The following TRABD2B variants were observed in gnomAD, a reference collection of about 807,000 sequenced individuals.
TRABD2B encodes the protein TraB domain containing 2B, also known as metalloprotease TIKI2.
TRABD2B carries 14 observed loss-of-function variants against 40.1 expected under a neutral mutation model. The ratio of observed to expected loss-of-function variants is 0.35; its 90% CI spans 0.23 to 0.55. The LOEUF (loss-of-function observed/expected upper bound fraction) is 0.55. TRABD2B is among the 20% of genes least tolerant of loss of function. The pLI, the probability that TRABD2B is intolerant of heterozygous loss-of-function variation, is 0.90. For synonymous variants in TRABD2B, 263 were observed against 277.0 expected (o/e 0.95, Z 0.50); for missense variants, 541 against 648.6 (o/e 0.83, Z 1.80).
intron 2 of TRABD2B, among the ~76,000 whole-genome samples, chr1:47,853,307 CCAAGGGGCAAGAT>C (rs1194394437): frequency 5.3e-5 from 8 of 152,170 alleles, no homozygotes; most frequent in African/African-American, 1.4e-4. Context: ...CCCGAATTAG[CCAAGGGGCAAGAT>C]CAATATTTGC....
intron 6 of TRABD2B, among the ~76,000 whole-genome samples, chr1:47,767,225 G>A (rs1256532587): frequency 6.6e-6 from 1 of 152,146 alleles, no homozygotes; most frequent in Non-Finnish European, 1.5e-5. Context: ...GCCTATCCTC[G>A]AGGAACCCTG....
At chr1:47,792,476 A>G (rs1044418469) in intron 4 of TRABD2B, among the ~76,000 whole-genome samples, 5 of 152,016 alleles carry the variant, frequency 3.3e-5, no homozygotes, top group African/African-American at 1.2e-4. Context: ...GTGGGCATGG[A>G]CAGAATGGAT....
intron 2 of TRABD2B, among the ~76,000 whole-genome samples, chr1:47,856,843 C>T (rs982197134): frequency 3.3e-5 from 5 of 152,198 alleles, no homozygotes; most frequent in African/African-American, 9.7e-5. Flanking sequence ...GGCCTGGGCC[C>T]CGCAGGCAGA....
At chr1:47,850,009 C>A (rs983275457) in intron 2 of TRABD2B, among the ~76,000 whole-genome samples, 2 of 152,226 alleles carry the variant, frequency 1.3e-5, no homozygotes, top group Admixed American at 1.3e-4. Context: ...AAGGCATGCA[C>A]CCCAGATCAA....
chr1:47,792,135 C>A (rs1449652200), intron 4 of TRABD2B, among the ~76,000 whole-genome samples: 1 of 152,214 alleles, frequency 6.6e-6, no homozygotes, highest in Admixed American at 6.5e-5. Flanking sequence ...GGCTCCAGAT[C>A]TGTTGTTTTT....
At chr1:47,930,852 G>A (rs966523839) in intron 2 of TRABD2B, among the ~76,000 whole-genome samples, 2 of 152,102 alleles carry the variant, frequency 1.3e-5, no homozygotes, top group African/African-American at 2.4e-5. Flanking sequence ...GGTCTCACCA[G>A]CAGCTTATGA....
chr1:47,827,487 G>T (rs1365902577), intron 2 of TRABD2B, among the ~76,000 whole-genome samples: 3 of 152,180 alleles, frequency 2.0e-5, no homozygotes, highest in Non-Finnish European at 4.4e-5. Flanking sequence ...GGCCAAGGGA[G>T]CTCCTAAAAG....
chr1:47,778,687 A>G, intron 4 of TRABD2B, 143 bp from the exon 5 acceptor site: 1 of 661,638 alleles, frequency 1.5e-6, no homozygotes, highest in South Asian at 1.7e-5. Context: ...GAGGCAGTAT[A>G]GCATAGAAGG....
Position 47,936,375 on chromosome 1 carries a change from G to A in TRABD2B, c.666+57659C>T, listed in dbSNP as rs563285739. Among the ~76,000 whole-genome samples, 313 of 152,292 alleles carry A rather than the reference G, an allele frequency of 2.1e-3. 1 individual carries two copies. Among genetic ancestry groups the A allele is most frequent in the Non-Finnish European group, 3.3e-3 (225 of 68,028 alleles). On this transcript the variant is annotated intron_variant, in intron 2 of 6. Transcript: ENST00000606738. Reference sequence around the variant, plus strand: ...CCACTCCCAACTAGGAGCTCACAGGGTGCTGGAGCAGAAAAACAACAGGAA... The same window carrying A: ...CCACTCCCAACTAGGAGCTCACAGGATGCTGGAGCAGAAAAACAACAGGAA...
chr1:47,828,677 T>C (rs1388510668), intron 2 of TRABD2B, among the ~76,000 whole-genome samples: 2 of 152,206 alleles, frequency 1.3e-5, no homozygotes, highest in Non-Finnish European at 2.9e-5. Context: ...TTCTTCATCC[T>C]CAGCCTCTCT....
At chr1:47,833,670 C>A (rs1396800944) in intron 2 of TRABD2B, among the ~76,000 whole-genome samples, 2 of 152,218 alleles carry the variant, frequency 1.3e-5, no homozygotes, top group South Asian at 2.1e-4. Flanking sequence ...AATACCCATA[C>A]CTTTTGCCAC....
At chr1:47,774,784 G>A (rs1200559305) in intron 6 of TRABD2B, among the ~76,000 whole-genome samples, 1 of 152,168 alleles carries the variant, frequency 6.6e-6, no homozygotes, top group East Asian at 1.9e-4. Flanking sequence ...ACAGCTTCTA[G>A]GCACAGGGAG....
chr1:47,837,018 T>A (rs906366914), intron 2 of TRABD2B, among the ~76,000 whole-genome samples: 1 of 152,232 alleles, frequency 6.6e-6, no homozygotes, highest in Non-Finnish European at 1.5e-5. Context: ...CCAAAGCCTG[T>A]CATAGAGTGG....
At chr1:47,995,013 T>A (rs1646069781) in intron 1 of TRABD2B, among the ~76,000 whole-genome samples, 1 of 152,186 alleles carries the variant, frequency 6.6e-6, no homozygotes, top group African/African-American at 2.4e-5. Context: ...CTGAGAATAT[T>A]CATGCTTGGC....
intron 2 of TRABD2B, among the ~76,000 whole-genome samples, chr1:47,887,344 A>C (rs1644384105): frequency 6.6e-6 from 1 of 151,924 alleles, no homozygotes; most frequent in Non-Finnish European, 1.5e-5. Flanking sequence ...GAGGACCCTG[A>C]TCTTAACTTC....
intron 2 of TRABD2B, among the ~76,000 whole-genome samples, chr1:47,929,453 T>G (rs1158809676): frequency 1.3e-5 from 2 of 152,234 alleles, no homozygotes; most frequent in African/African-American, 2.4e-5. Flanking sequence ...AGAGCAAGAA[T>G]ACTTCTTCCT....
chr1:47,873,749 G>T (rs185017159), intron 2 of TRABD2B, among the ~76,000 whole-genome samples: 1 of 152,286 alleles, frequency 6.6e-6, no homozygotes, highest in African/African-American at 2.4e-5. Context: ...TGTGTGCCAG[G>T]CCCTGGGGAC....
intron 2 of TRABD2B, among the ~76,000 whole-genome samples, chr1:47,941,660 T>C (rs1216336461): frequency 6.6e-6 from 1 of 152,204 alleles, no homozygotes; most frequent in East Asian, 1.9e-4. Flanking sequence ...TGTTACAAGG[T>C]TGAAAGGAGA....
chr1:47,911,808 T>C (rs1644766569), intron 2 of TRABD2B, among the ~76,000 whole-genome samples: 3 of 152,248 alleles, frequency 2.0e-5, no homozygotes, highest in Admixed American at 1.3e-4. Context: ...AGCTCCTTAT[T>C]CATAAATCAT....
Sources: allele counts gnomAD v4.1 joint callset (sites outside exome capture counted in the v4.1 genomes callset), GRCh38; gene constraint gnomAD v4.1.1; transcripts MANE v1.5; gene names NCBI Gene and HGNC (gene_info 2026-07-23, HGNC 2026-07-21).